Variants in SNX10 observed in about 807,000 individuals in gnomAD.
SNX10 encodes sorting nexin 10, also known as sorting nexin-10.
Under a neutral mutation model 28.5 loss-of-function variants are expected in SNX10, and 25 were observed. That is an observed-to-expected ratio of 0.88 (90% CI 0.64 to 1.22). The LOEUF (loss-of-function observed/expected upper bound fraction) is 1.22. Among genes scored for constraint, SNX10 ranks in the 50% most tolerant of loss-of-function variants. The probability of loss-of-function intolerance (pLI) is 0.00; values close to 1 mark genes in which losing one functional copy is unlikely to be tolerated. For synonymous variants in SNX10, 62 were observed against 81.4 expected (o/e 0.76, Z 1.28); for missense variants, 223 against 242.6 (o/e 0.92, Z 0.54).
rs190626039 is a variant in SNX10, at chr7:26,360,118, A to T, written c.25-857A>T. On this transcript the variant is annotated intron_variant, in intron 2 of 6. Coordinates refer to ENST00000338523, the MANE Select transcript of SNX10 (RefSeq NM_013322.3). ...TGTAGGGGAAATGTATTTTAAAAAT[A>T]GAAAAGTATTATGTAAAAGAAGGTG... 4.6e-5 allele frequency among the ~76,000 whole-genome samples: 7 copies of T among 152,394 alleles called. No homozygotes were observed. The East Asian group carries it at 1.3e-3, about 29-fold the overall frequency.
intron 1 of SNX10, among the ~76,000 whole-genome samples, chr7:26,342,087 C>T (rs1454560638): frequency 6.9e-6 from 1 of 145,864 alleles, no homozygotes; most frequent in African/African-American, 2.6e-5. Flanking sequence ...AGTGCAGTGG[C>T]ACGATCTTGG....
At chr7:26,311,402 C>T (rs1490216250) in intron 1 of SNX10, among the ~76,000 whole-genome samples, 2 of 152,154 alleles carry the variant, frequency 1.3e-5, no homozygotes. Flanking sequence ...TCTCCCGCCT[C>T]GGCCTCCAAA....
At chr7:26,368,577 A>C (rs1789384310) in intron 5 of SNX10, among the ~76,000 whole-genome samples, 1 of 152,170 alleles carries the variant, frequency 6.6e-6, no homozygotes, top group Non-Finnish European at 1.5e-5. Flanking sequence ...AATTCATCCC[A>C]TTAATACAAC....
chr7:26,371,792 A>G (rs990492453), intron 5 of SNX10, 29 bp from the exon 6 acceptor site: 21 of 1,502,746 alleles, frequency 1.4e-5, no homozygotes, highest in African/African-American at 5.6e-5. Context: ...CCTGTTCACC[A>G]ATTATTTTTC....
chr7:26,336,353 C>T (rs1209565691), intron 1 of SNX10, among the ~76,000 whole-genome samples: 1 of 151,330 alleles, frequency 6.6e-6, no homozygotes, highest in African/African-American at 2.4e-5. Context: ...GCATAAGCTC[C>T]AGTTCTTAAG....
chr7:26,326,476 A>G (rs1046437634), intron 1 of SNX10, among the ~76,000 whole-genome samples: 1 of 152,126 alleles, frequency 6.6e-6, no homozygotes, highest in African/African-American at 2.4e-5. Context: ...TACATGGATC[A>G]TACTGTACTC....
intron 1 of SNX10, among the ~76,000 whole-genome samples, chr7:26,313,548 G>A (rs181468800): frequency 7.2e-4 from 110 of 152,282 alleles, no homozygotes; most frequent in African/African-American, 2.6e-3. Flanking sequence ...GCCTTTAAAG[G>A]CTGCCTGTTA....
chr7:26,316,181 CA>C (rs397970319), intron 1 of SNX10, among the ~76,000 whole-genome samples: 8,151 of 72,204 alleles, frequency 0.11, 436 homozygotes, highest in African/African-American at 0.25. Context: ...GAGACTGTCT[CA>C]AAAAAAAAAA....
chr7:26,369,766 G>T (rs1266820800), intron 5 of SNX10, among the ~76,000 whole-genome samples: 2 of 152,186 alleles, frequency 1.3e-5, no homozygotes, highest in Non-Finnish European at 2.9e-5. Flanking sequence ...GGGAAATAAT[G>T]AGTCTAATGT....
intron 2 of SNX10, chr7:26,354,334 AT>A (rs1215393481): frequency 6.6e-6 from 1 of 151,910 alleles, no homozygotes; most frequent in Non-Finnish European, 1.5e-5. Flanking sequence ...ATTGAATTCT[AT>A]TTTTTAAATA....
chr7:26,315,592 C>G (rs1003213260), intron 1 of SNX10, among the ~76,000 whole-genome samples: 5 of 151,704 alleles, frequency 3.3e-5, no homozygotes, highest in Admixed American at 2.0e-4. Flanking sequence ...GGCATGAACC[C>G]AGGAGGCGGA....
At chr7:26,361,780 A>C (rs942577283) in intron 3 of SNX10, among the ~76,000 whole-genome samples, 1 of 152,262 alleles carries the variant, frequency 6.6e-6, no homozygotes, top group African/African-American at 2.4e-5. Context: ...ATGAATGAGC[A>C]TAATTGTATT....
chr7:26,292,175 C>G (rs1222650542), intron 1 of SNX10, 89 bp downstream of exon 1: 1 of 152,346 alleles, frequency 6.6e-6, no homozygotes, highest in Admixed American at 6.5e-5. Context: ...CGGGCCCTTC[C>G]CGCTGTTCCC....
intron 1 of SNX10, among the ~76,000 whole-genome samples, chr7:26,308,412 C>T (rs1217474816): frequency 6.6e-6 from 1 of 152,210 alleles, no homozygotes; most frequent in Non-Finnish European, 1.5e-5. Context: ...CTGGGTTCCC[C>T]ACTCAGTCTG....
chr7:26,343,352 A>G (rs1227456761), intron 1 of SNX10, among the ~76,000 whole-genome samples: 4 of 152,140 alleles, frequency 2.6e-5, no homozygotes, highest in South Asian at 4.1e-4. Context: ...GCACTCTTTC[A>G]TAGTGTGACC....
At chr7:26,358,627 A>C (rs1788922813) in intron 2 of SNX10, among the ~76,000 whole-genome samples, 1 of 151,980 alleles carries the variant, frequency 6.6e-6, no homozygotes, top group Non-Finnish European at 1.5e-5. Context: ...TAGTCCAGCT[A>C]CTGGGGGCGG....
chr7:26,295,579 A>G (rs767317528), intron 1 of SNX10, among the ~76,000 whole-genome samples: 4 of 152,252 alleles, frequency 2.6e-5, no homozygotes, highest in African/African-American at 4.8e-5. Flanking sequence ...ACGGGACTCA[A>G]ACTCAGGTTC....
intron 2 of SNX10, among the ~76,000 whole-genome samples, chr7:26,350,266 A>G (rs561984637): frequency 6.6e-6 from 1 of 152,296 alleles, no homozygotes; most frequent in South Asian, 2.1e-4. Flanking sequence ...TTTGGCAGGG[A>G]ATATCCTGAG....
At position 26,315,648 on chromosome 7, in the gene SNX10, G is replaced by A. The variant is rs145540349; in HGVS notation, c.-24+23562G>A. Among the ~76,000 whole-genome samples, 1,051 of 151,250 alleles carry A rather than the reference G, an allele frequency of 6.9e-3. 11 individuals carry two copies. Among genetic ancestry groups the A allele is most frequent in the African/African-American group, 0.024 (997 of 41,180 alleles). On this transcript the variant is annotated intron_variant, in intron 1 of 6. Coordinates refer to ENST00000338523, the MANE Select transcript of SNX10 (RefSeq NM_013322.3). Reference sequence around the variant, plus strand: ...TCGCCACTGCACTTCTAGCCTGGGCGACAGAGTGAGACTCCATCTCAAAAA... The same window carrying A: ...TCGCCACTGCACTTCTAGCCTGGGCAACAGAGTGAGACTCCATCTCAAAAA...
Sources: gnomAD v4.1 joint callset for allele counts (sites outside exome capture counted in the v4.1 genomes callset) on GRCh38, gnomAD v4.1.1 for gene constraint, MANE v1.5 for transcripts, NCBI Gene and HGNC (gene_info 2026-07-23, HGNC 2026-07-21) for gene names.